The following FRYL variants were observed in gnomAD, a reference collection of about 807,000 sequenced individuals.
FRYL encodes FRY like transcription coactivator, also known as protein furry homolog-like.
A neutral mutation model predicts 351.2 loss-of-function variants in FRYL; 150 were observed. That is an observed-to-expected ratio of 0.43 (90% CI 0.37 to 0.49). FRYL has a LOEUF of 0.49. FRYL is among the 20% of genes least tolerant of loss of function. FRYL has a pLI of 0.00. For synonymous variants in FRYL, 1,153 were observed against 1,257.1 expected, an observed-to-expected ratio of 0.92 and a Z score of 1.75; for missense variants, 3,036 against 3,619.3, an observed-to-expected ratio of 0.84 and a Z score of 4.13.
chr4:48,529,031 T>G (rs1026212471), intron 50 of FRYL, among the ~76,000 whole-genome samples: 21 of 152,186 alleles, frequency 1.4e-4, no homozygotes, highest in Non-Finnish European at 7.4e-5. Context: ...CTACGACCAC[T>G]TCCCCCTCTC....
chr4:48,609,499 G>A (rs538192413), intron 8 of FRYL, among the ~76,000 whole-genome samples: 1 of 152,142 alleles, frequency 6.6e-6, no homozygotes, highest in East Asian at 1.9e-4. Context: ...GCGTGCACCT[G>A]TAGTCCTAGC....
chr4:48,543,694 A>C (rs1730722847), intron 44 of FRYL, 113 bp downstream of exon 44: 1 of 857,604 alleles, frequency 1.2e-6, no homozygotes, highest in Non-Finnish European at 1.8e-6. Context: ...TCAACATCTG[A>C]CTATAATTCT....
intron 18 of FRYL, 94 bp from the exon 19 acceptor site, chr4:48,586,822 T>C: frequency 4.1e-6 from 3 of 738,328 alleles, no homozygotes; most frequent in Non-Finnish European, 6.7e-6. Flanking sequence ...GTGCGAGTCC[T>C]CCCCTAAAGT....
At chr4:48,520,953 C>G in intron 55 of FRYL, 95 bp downstream of exon 55, 1 of 821,224 alleles carries the variant, frequency 1.2e-6, no homozygotes, top group East Asian at 2.7e-5. Context: ...GGAAACAAAT[C>G]AACTTCAAAA....
chr4:48,758,384 G>GA (rs1403871912), intron 1 of FRYL, among the ~76,000 whole-genome samples: 52 of 152,190 alleles, frequency 3.4e-4, no homozygotes, highest in African/African-American at 1.2e-3. Context: ...AAATTTACAA[G>GA]AAAAAATCAA....
chr4:48,500,271 CATTT>C, intron 62 of FRYL, 51 bp from the exon 63 acceptor site: 1 of 1,175,334 alleles, frequency 8.5e-7, no homozygotes, highest in Admixed American at 2.7e-5. Context: ...GTAACAAAAA[CATTT>C]AGTTGGCTAC....
rs1347504479 is a variant in FRYL at position 48,596,855 on chromosome 4, C to CTT, written c.1036-857_1036-856dup. On this transcript the variant is annotated intron_variant, in intron 13 of 63. Coordinates refer to ENST00000358350, the MANE Select transcript of FRYL (RefSeq NM_015030.2). The stretch of plus-strand genomic sequence containing the variant: ...ATTTTGAAATGTAGCTAATAATCTC[C>CTT]TTTTTTTTTTTTTACGGAGAAACTC... 2.9e-3 allele frequency among the ~76,000 whole-genome samples: 418 copies of CTT among 142,726 alleles called. 2 individuals are homozygous for CTT. The highest frequency in any genetic ancestry group is 9.5e-3 in the African/African-American group (370 of 39,120). The allele number at this position is 142,726 out of a possible 152,430, so 93.6% of individuals were successfully genotyped here.
At chr4:48,565,743 A>G in intron 28 of FRYL, 52 bp from the exon 29 acceptor site, 1 of 1,518,884 alleles carries the variant, frequency 6.6e-7, no homozygotes, top group Non-Finnish European at 9.0e-7. Context: ...TTTTGCTTTA[A>G]CTTTTATACC....
rs1718844402 is a variant in FRYL, at chr4:48,498,375, T to C, written c.*1047A>G. Reference sequence around the variant, plus strand: ...ATTTTTCTTTAGCTTTGTACACCTATTCTTGTATAACAACAGTGCATGGCA... The same window carrying C: ...ATTTTTCTTTAGCTTTGTACACCTACTCTTGTATAACAACAGTGCATGGCA... On this transcript the variant is annotated 3_prime_UTR_variant, in exon 64 of 64. Coordinates refer to ENST00000358350, the MANE Select transcript of FRYL (RefSeq NM_015030.2). 1 of 152,366 alleles carries C rather than the reference T, an allele frequency of 6.6e-6. No individual in the cohort carries two copies. Among genetic ancestry groups the C allele is most frequent in the African/African-American group, 2.4e-5 (1 of 41,470 alleles). 9.4% of individuals were successfully genotyped at this position (152,366 alleles called of 1,614,324 possible). A position where few individuals can be genotyped will look rare whatever the true frequency, so the allele number is the denominator to read the frequency against.
At chr4:48,530,871 C>G (rs1000346357) in intron 50 of FRYL, among the ~76,000 whole-genome samples, 1 of 152,134 alleles carries the variant, frequency 6.6e-6, no homozygotes, top group Non-Finnish European at 1.5e-5. Flanking sequence ...TTAATGTATT[C>G]CAGCCGAGTG....
rs1740306365 is a variant in FRYL, at chr4:48,579,154, T to C, written c.2347A>G (p.Ile783Val). The change falls in exon 23 of 64, where the codon ATT (isoleucine) becomes GTT (valine). Residue 783 changes from isoleucine (I) to valine (V), a missense_variant. Transcript: ENST00000358350. ...AATATCCATATATGTGATGGACTAA[T>C]CACATCAAACTGGTGGCTAATAGGA... The part of the protein sequence containing the change: ...SSPISHQFDV[I>V]SPSHIWIFAH... The C allele has an allele frequency of 6.2e-6, 10 of 1,613,756 alleles. No individual in the cohort carries two copies. The highest frequency in any genetic ancestry group is 8.5e-6 in the Non-Finnish European group (10 of 1,179,674).
chr4:48,728,575 A>G (rs951671203), intron 1 of FRYL, among the ~76,000 whole-genome samples: 4 of 152,204 alleles, frequency 2.6e-5, no homozygotes, highest in African/African-American at 9.6e-5. Context: ...AAAAAAGCAA[A>G]CAAAAAACCT....
intron 2 of FRYL, among the ~76,000 whole-genome samples, chr4:48,703,565 T>C (rs906954656): frequency 6.6e-6 from 1 of 152,204 alleles, no homozygotes; most frequent in Non-Finnish European, 1.5e-5. Context: ...TTTTACACAC[T>C]GTTTCCTATG....
chr4:48,746,362 C>A (rs971860946), intron 1 of FRYL, among the ~76,000 whole-genome samples: 2 of 151,668 alleles, frequency 1.3e-5, no homozygotes, highest in African/African-American at 2.4e-5. Context: ...GTCAGGAGAT[C>A]GAGACCATCC....
chr4:48,510,660 T>C (rs1722280997), intron 58 of FRYL, among the ~76,000 whole-genome samples, 175 bp downstream of exon 58: 1 of 152,136 alleles, frequency 6.6e-6, no homozygotes, highest in Non-Finnish European at 1.5e-5. Flanking sequence ...GAATCAGAAA[T>C]AGTCACAAGT....
At chr4:48,543,344 T>C (rs1220499179) in intron 44 of FRYL, among the ~76,000 whole-genome samples, 3 of 152,200 alleles carry the variant, frequency 2.0e-5, no homozygotes, top group Non-Finnish European at 2.9e-5. Flanking sequence ...CTCAATAGAA[T>C]ATGAGCTCTA....
intron 3 of FRYL, among the ~76,000 whole-genome samples, chr4:48,658,909 A>G (rs1759852464): frequency 5.9e-5 from 9 of 152,200 alleles, no homozygotes; most frequent in Admixed American, 5.9e-4. Flanking sequence ...AACCTCATTA[A>G]ATACCACAAC....
chr4:48,758,072 T>G (rs970448268), intron 1 of FRYL, among the ~76,000 whole-genome samples: 1 of 152,156 alleles, frequency 6.6e-6, no homozygotes, highest in African/African-American at 2.4e-5. Flanking sequence ...TTACACCTTA[T>G]ACAAAAATTA....
At chr4:48,677,338 C>T (rs892063277) in intron 3 of FRYL, among the ~76,000 whole-genome samples, 13 of 151,994 alleles carry the variant, frequency 8.6e-5, no homozygotes, top group Middle Eastern at 3.4e-3. Context: ...CTCTCACAAA[C>T]GTACAACTGT....
Sources: allele counts gnomAD v4.1 joint callset (sites outside exome capture counted in the v4.1 genomes callset), GRCh38; gene constraint gnomAD v4.1.1; transcripts MANE v1.5; gene names NCBI Gene and HGNC (gene_info 2026-07-23, HGNC 2026-07-21).